ART5: variants seen among roughly 807,000 people sequenced by gnomAD.
ART5 encodes the protein ADP-ribosyltransferase 5, also known as ecto-ADP-ribosyltransferase 5.
Under a neutral mutation model 25.0 loss-of-function variants are expected in ART5, and 22 were observed. The observed-to-expected ratio is 0.88, with a 90% confidence interval of 0.63 to 1.26. ART5 has a LOEUF of 1.26. Among genes scored for constraint, ART5 ranks in the 50% most tolerant of loss-of-function variants. ART5 has a pLI of 0.00. For missense variants in ART5, 402 were observed against 372.8 expected, an observed-to-expected ratio of 1.08 and a Z score of -0.64; for synonymous variants, 161 against 154.8, an observed-to-expected ratio of 1.04 and a Z score of -0.30.
upstream of ART5, chr11:3,642,049 A>AAGTCTCCGCCCCC (rs2077409810): frequency 1.4e-6 from 2 of 1,387,902 alleles, no homozygotes; most frequent in Non-Finnish European, 1.9e-6. Flanking sequence ...CCCCCGCCCC[A>AAGTCTCCGCCCCC]AGTCTCCGCC....
Position 3,639,990 on chromosome 11 carries a change from T to C in ART5, c.439A>G (p.Ser147Gly), listed in dbSNP as rs2077368998. 1 of 1,614,130 alleles carries C rather than the reference T, an allele frequency of 6.2e-7. No homozygotes were observed. Among genetic ancestry groups the C allele is most frequent in the Non-Finnish European group, 8.5e-7 (1 of 1,180,018 alleles). The change falls in exon 2 of 4, where the codon AGT becomes GGT. Residue 147 changes from serine (S) to glycine (G), a missense_variant. Physicochemically the swap from Ser to Gly is moderately conservative, Grantham distance 56. Transcript: ENST00000397068. ...LIRALQLLRG[S>G]GGCSRGPGEV... Reference sequence around the variant, plus strand: ...CCAGGTCCCCTGCTGCAGCCCCCACTGCCTCGCAGCAGCTGCAGGGCCCGG... The same window carrying C: ...CCAGGTCCCCTGCTGCAGCCCCCACCGCCTCGCAGCAGCTGCAGGGCCCGG...
At chr11:3,639,306 G>T (rs57435484) in intron 2 of ART5, among the ~76,000 whole-genome samples, 1 of 152,018 alleles carries the variant, frequency 6.6e-6, no homozygotes, top group Non-Finnish European at 1.5e-5. Context: ...CAGCCCCATC[G>T]AGCCCAGGGC....
Position 3,639,036 on chromosome 11 carries a change from C to G in ART5, c.788-1G>C. 6.4e-7 allele frequency: 1 copy of G among 1,552,280 alleles called. No individual in the cohort carries two copies. The highest frequency in any genetic ancestry group is 8.7e-7 in the Non-Finnish European group (1 of 1,148,030). ...GACACACAGCCCCGCCTCTTCTCCC[C>G]TGCAACAGACAGCAGGGTGAGGCCT... is the stretch of plus-strand genomic sequence containing the variant. On this transcript the variant is annotated splice_acceptor_variant, in intron 2 of 3. Transcript: ENST00000397068. LOFTEE classifies it high-confidence loss of function.
rs2077348393 is a variant in ART5, at chr11:3,638,767, T to C, written c.847A>G (p.Met283Val). ...GGCTGCTGGAGGTGCCTCTTCGTCA[T>C]ATGAAGGTCACCCGTTCCCAGGGCT... ...PGALGTGDLH[M>V]TKRHLQQP Residue 283 changes from methionine to valine, a missense_variant, in exon 4 of 4, where the codon ATG becomes GTG. Met to Val is a conservative substitution (Grantham distance 21). Transcript: ENST00000397068. 1.2e-6 allele frequency: 2 copies of C among 1,614,012 alleles called. No homozygotes were observed. Among genetic ancestry groups the C allele is most frequent in the East Asian group, 2.2e-5 (1 of 44,880 alleles).
chr11:3,641,707 C>A (rs150650159), intron 1 of ART5, 99 bp downstream of exon 1: 27 of 1,530,316 alleles, frequency 1.8e-5, no homozygotes, highest in Non-Finnish European at 2.3e-5. Context: ...AGGGAAGAGT[C>A]CCTGGGAGAG....
chr11:3,642,364 G>C (rs1287484163), upstream of ART5: 36 of 881,272 alleles, frequency 4.1e-5, no homozygotes, highest in Non-Finnish European at 4.2e-5. Context: ...GCGCGCCAGG[G>C]CAGGGACTGA....
intron 2 of ART5, 70 bp downstream of exon 2, chr11:3,639,572 T>G: frequency 6.6e-7 from 1 of 1,520,356 alleles, no homozygotes; most frequent in Admixed American, 2.1e-5. Flanking sequence ...GCCCCGGGGA[T>G]TATTGTGTAA....
At chr11:3,642,064 A>G (rs894426238), upstream of ART5, 6 of 1,414,310 alleles carry the variant, frequency 4.2e-6, no homozygotes, top group Non-Finnish European at 5.5e-6. Flanking sequence ...TCCGCCCCCG[A>G]CTCCCCACAC....
At chr11:3,639,286 C>G in intron 2 of ART5, among the ~76,000 whole-genome samples, 1 of 152,266 alleles carries the variant, frequency 6.6e-6, no homozygotes, top group East Asian at 1.9e-4. Context: ...ATGGCACATA[C>G]GTGCCCTGTC....
At position 3,640,338 on chromosome 11, in the gene ART5, C is replaced by T. The variant is rs200548027; in HGVS notation, c.91G>A (p.Ala31Thr). The change falls in exon 2 of 4, where the codon GCT (alanine) becomes ACT (threonine). Residue 31 changes from alanine (A) to threonine (T), a missense_variant. Transcript: ENST00000397068. ...QAVPILPLGLAPDTFDDTYVG... is the reference protein window; with the variant it reads ...QAVPILPLGLTPDTFDDTYVG... ...TAGGTATCGTCAAAGGTGTCTGGAG[C>T]CAGGCCCAGGGGCAGGATGGGAACA... 8 of 1,513,556 alleles carry T rather than the reference C, an allele frequency of 5.3e-6. No homozygotes were observed. The highest frequency in any genetic ancestry group is 2.0e-5 in the African/African-American group (1 of 50,012). The allele number at this position is 1,513,556 out of a possible 1,614,324, so 93.8% of individuals were successfully genotyped here. A position where few individuals can be genotyped will look rare whatever the true frequency, so the allele number is the denominator to read the frequency against.
chr11:3,640,362 C>G lies in ART5; in HGVS notation c.67G>C (p.Val23Leu), dbSNP rs759062996. 1 of 1,427,908 alleles carries G rather than the reference C, an allele frequency of 7.0e-7. No homozygotes were observed. Among genetic ancestry groups the G allele is most frequent in the African/African-American group, 1.4e-5 (1 of 69,842 alleles). The allele number at this position is 1,427,908 out of a possible 1,614,324, so 88.5% of individuals were successfully genotyped here. The stretch of plus-strand genomic sequence containing the variant: ...GCCAGGCCCAGGGGCAGGATGGGAA[C>G]AGCCTGGGCCTGTGGAGCAAAAGAG... Reference protein sequence around the residue: ...LGLHTWQAQAVPILPLGLAPD... With the variant: ...LGLHTWQAQALPILPLGLAPD... The change falls in exon 2 of 4, where the codon GTT becomes CTT. Residue 23 changes from valine (V) to leucine (L), a missense_variant. By Grantham distance (32) the Val-to-Leu change is conservative. Transcript: ENST00000397068.
At chr11:3,639,453 G>A (rs995103279) in intron 2 of ART5, among the ~76,000 whole-genome samples, 189 bp downstream of exon 2, 5 of 152,156 alleles carry the variant, frequency 3.3e-5, no homozygotes, top group East Asian at 1.9e-4. Flanking sequence ...GAATGTTCAC[G>A]AATCTAGAAA....
intron 1 of ART5, among the ~76,000 whole-genome samples, chr11:3,641,485 G>T (rs924837558): frequency 6.6e-6 from 1 of 152,172 alleles, no homozygotes; most frequent in Admixed American, 6.5e-5. Flanking sequence ...GCCAAGCCTT[G>T]GTTGGGACGG....
At position 3,641,972 on chromosome 11, in the gene ART5, C is replaced by A. The variant is rs751022774; in HGVS notation, c.-110G>T. 3.0e-4 allele frequency: 446 copies of A among 1,483,050 alleles called. No homozygotes were observed. Among genetic ancestry groups the A allele is most frequent in the Non-Finnish European group, 3.7e-4 (416 of 1,114,484 alleles). 91.9% of individuals were successfully genotyped at this position (1,483,050 alleles called of 1,614,324 possible). A position where few individuals can be genotyped will look rare whatever the true frequency, so the allele number is the denominator to read the frequency against. ...GATCTGGACCCTGTCTCCAGGCGCA[C>A]GGGATCCCGGGTCCAGGATTAGGGC... On this transcript the variant is annotated 5_prime_UTR_variant, in exon 1 of 4. Transcript: ENST00000397068.
Position 3,640,159 on chromosome 11 carries a change from G to C in ART5, c.270C>G (p.Ala90=). Residue 90 remains alanine (A), a synonymous_variant, in exon 2 of 4, where the codon GCC becomes GCG. Coordinates refer to ENST00000397068, the MANE Select transcript of ART5 (RefSeq NM_053017.5). ...RGLTLPPGFK[A]QNGIAIMVYT... ...AGACCATAATGGCTATTCCATTCTGGGCTTTGAAGCCAGGGGGCAAGGTAA... is the reference window on the plus strand; with the variant it reads ...AGACCATAATGGCTATTCCATTCTGCGCTTTGAAGCCAGGGGGCAAGGTAA... The C allele has an allele frequency of 6.2e-7, 1 of 1,614,120 alleles. No homozygotes were observed. Among genetic ancestry groups the C allele is most frequent in the Non-Finnish European group, 8.5e-7 (1 of 1,180,044 alleles).
At chr11:3,642,171 G>C (rs1011228578), upstream of ART5, 122 of 1,265,904 alleles carry the variant, frequency 9.6e-5, no homozygotes, top group Non-Finnish European at 2.7e-5. Context: ...GGGGGCGGAG[G>C]ACCCACTTGA....
At chr11:3,639,608 A>G (rs1002004094) in intron 2 of ART5, 34 bp downstream of exon 2, 3 of 1,566,152 alleles carry the variant, frequency 1.9e-6, no homozygotes, top group South Asian at 1.2e-5. Context: ...TTTCACCCAC[A>G]CTGCCAGTCC....
At chr11:3,639,489 G>C (rs762263000) in intron 2 of ART5, among the ~76,000 whole-genome samples, 153 bp downstream of exon 2, 14 of 152,172 alleles carry the variant, frequency 9.2e-5, no homozygotes, top group Non-Finnish European at 1.6e-4. Context: ...CAAAAAACCT[G>C]AGTCACAGAG....
At position 3,639,630 on chromosome 11, in the gene ART5, T is replaced by C. The variant is rs374818380; in HGVS notation, c.787+12A>G. 1.0e-5 allele frequency: 16 copies of C among 1,603,470 alleles called. No homozygotes were observed. The highest frequency in any genetic ancestry group is 4.0e-5 in the African/African-American group (3 of 74,510). The stretch of plus-strand genomic sequence containing the variant: ...CACACTGCCAGTCCTGCTTCCCCCA[T>C]GCACAGCTTACCACCCAGATAGGCG... On this transcript the variant is annotated intron_variant, in intron 2 of 3. Coordinates refer to ENST00000397068, the MANE Select transcript of ART5 (RefSeq NM_053017.5).
Sources: allele counts gnomAD v4.1 joint callset (sites outside exome capture counted in the v4.1 genomes callset), GRCh38; gene constraint gnomAD v4.1.1; transcripts MANE v1.5; gene names NCBI Gene and HGNC (gene_info 2026-07-23, HGNC 2026-07-21).